Variants in TRIP12 observed in about 807,000 individuals in gnomAD.
TRIP12 encodes the protein thyroid hormone receptor interactor 12, also known as E3 ubiquitin-protein ligase TRIP12.
TRIP12 carries 25 observed loss-of-function variants against 244.2 expected under a neutral mutation model. The ratio of observed to expected loss-of-function variants is 0.10; its 90% confidence interval spans 0.07 to 0.14. The LOEUF (loss-of-function observed/expected upper bound fraction) is 0.14, where lower values mean the gene tolerates loss of function less well. Ranked by LOEUF, TRIP12 falls within the 10% of genes least tolerant of loss-of-function variation. The pLI is 1.00. For synonymous variants in TRIP12, 905 were observed against 873.1 expected, an observed-to-expected ratio of 1.04 and a Z score of -0.64; for missense variants, 1,677 against 2,486.4, an observed-to-expected ratio of 0.67 and a Z score of 6.92.
chr2:229,791,301 A>G, intron 29 of TRIP12, 50 bp from the exon 30 acceptor site: 1 of 1,604,596 alleles, frequency 6.2e-7, no homozygotes. Flanking sequence ...TGAAACTGAT[A>G]CAAAGCCAAA....
rs997592495 is a variant in TRIP12, at chr2:229,763,920, T to G, written c.*3634A>C. On this transcript the variant is annotated 3_prime_UTR_variant, in exon 42 of 42. Coordinates refer to ENST00000675903, the MANE Select transcript of TRIP12 (RefSeq NM_001348323.3). ...CAATTTTACATACACATCTGTAGTTTGAGGTTCCATTATTCCAACAGTTCA... is the reference window on the plus strand; with the variant it reads ...CAATTTTACATACACATCTGTAGTTGGAGGTTCCATTATTCCAACAGTTCA... 1.3e-5 allele frequency: 2 copies of G among 152,228 alleles called. No individual in the cohort carries two copies. The highest frequency in any genetic ancestry group is 1.5e-5 in the Non-Finnish European group (1 of 68,038). The allele number at this position is 152,228 out of a possible 1,614,324, so 9.4% of individuals were successfully genotyped here. A position where few individuals can be genotyped will look rare whatever the true frequency, so the allele number is the denominator to read the frequency against.
At chr2:229,862,723 C>T (rs2060671841) in intron 2 of TRIP12, among the ~76,000 whole-genome samples, 1 of 152,068 alleles carries the variant, frequency 6.6e-6, no homozygotes, top group Non-Finnish European at 1.5e-5. Flanking sequence ...GGGCAGCAGC[C>T]CTCCTCTTTT....
chr2:229,914,898 A>G (rs999190205), intron 1 of TRIP12, among the ~76,000 whole-genome samples: 3 of 152,238 alleles, frequency 2.0e-5, no homozygotes, highest in African/African-American at 7.2e-5. Flanking sequence ...AGAAACAAAC[A>G]GAATAAACTA....
intron 34 of TRIP12, among the ~76,000 whole-genome samples, chr2:229,781,777 T>A (rs1204790901): frequency 6.6e-6 from 1 of 152,226 alleles, no homozygotes; most frequent in Admixed American, 6.5e-5. Flanking sequence ...CATGTACAGC[T>A]GAATTTGAAT....
At chr2:229,891,379 C>T (rs1313442884) in intron 1 of TRIP12, among the ~76,000 whole-genome samples, 1 of 151,726 alleles carries the variant, frequency 6.6e-6, no homozygotes, top group Non-Finnish European at 1.5e-5. Flanking sequence ...AAGCTGAGAT[C>T]ATGCCACTGT....
At chr2:229,910,121 T>G (rs1275912066) in intron 1 of TRIP12, among the ~76,000 whole-genome samples, 5 of 152,226 alleles carry the variant, frequency 3.3e-5, no homozygotes, top group African/African-American at 1.2e-4. Flanking sequence ...GTTGTTTTAC[T>G]AAGTCCTTGA....
chr2:229,785,429 T>A lies in TRIP12; in HGVS notation c.5094+328A>T, dbSNP rs116205907. ...ACTACAAAACTACATTTTTGAAGTA[T>A]GCAGTTATTATTTATATCTCAGTAA... On this transcript the variant is annotated intron_variant, in intron 34 of 41. Coordinates refer to ENST00000675903, the MANE Select transcript of TRIP12 (RefSeq NM_001348323.3). 5.6e-3 allele frequency among the ~76,000 whole-genome samples: 847 copies of A among 152,334 alleles called. 9 individuals are homozygous for A. The highest frequency in any genetic ancestry group is 0.019 in the African/African-American group (782 of 41,570).
chr2:229,826,001 A>C (rs1288013996), intron 8 of TRIP12, among the ~76,000 whole-genome samples: 3 of 152,186 alleles, frequency 2.0e-5, no homozygotes, highest in African/African-American at 7.2e-5. Context: ...AAAAAGCAAA[A>C]CAAAAATATA....
intron 8 of TRIP12, among the ~76,000 whole-genome samples, chr2:229,828,407 A>C (rs1275742028): frequency 6.6e-6 from 1 of 151,900 alleles, no homozygotes; most frequent in Non-Finnish European, 1.5e-5. Flanking sequence ...TCTCTTAAAA[A>C]CAAACAAACA....
At chr2:229,916,626 T>C (rs984697317) in intron 1 of TRIP12, among the ~76,000 whole-genome samples, 3 of 152,182 alleles carry the variant, frequency 2.0e-5, no homozygotes, top group Admixed American at 6.5e-5. Context: ...ACAAAGCAGG[T>C]AAGCCTGAAT....
chr2:229,861,560 C>G (rs752250157), intron 2 of TRIP12, among the ~76,000 whole-genome samples: 1 of 152,118 alleles, frequency 6.6e-6, no homozygotes, highest in Non-Finnish European at 1.5e-5. Context: ...ATTCCAAACA[C>G]CATCTCAAAA....
chr2:229,836,401 A>G (rs2054829318), intron 6 of TRIP12, among the ~76,000 whole-genome samples: 2 of 152,198 alleles, frequency 1.3e-5, no homozygotes, highest in Admixed American at 1.3e-4. Flanking sequence ...CTTCTAATAT[A>G]TCAAGAATAA....
intron 6 of TRIP12, among the ~76,000 whole-genome samples, chr2:229,834,107 T>C (rs113042810): frequency 7.0e-4 from 107 of 152,366 alleles, no homozygotes; most frequent in Admixed American, 1.2e-3. Context: ...TCAACAGATA[T>C]TTCCCGTTTA....
intron 2 of TRIP12, among the ~76,000 whole-genome samples, chr2:229,867,721 G>A (rs1576356136): frequency 6.6e-6 from 1 of 152,258 alleles, no homozygotes; most frequent in East Asian, 1.9e-4. Flanking sequence ...AGTATCAGAA[G>A]AATGAAAGCA....
intron 9 of TRIP12, among the ~76,000 whole-genome samples, chr2:229,817,294 T>C (rs938773294): frequency 6.6e-6 from 1 of 152,212 alleles, no homozygotes; most frequent in African/African-American, 2.4e-5. Context: ...AAATAAAACA[T>C]ACCACAAATG....
intron 2 of TRIP12, among the ~76,000 whole-genome samples, chr2:229,876,872 T>C (rs1243147794): frequency 6.6e-6 from 1 of 152,078 alleles, no homozygotes; most frequent in African/African-American, 2.4e-5. Context: ...ATGTGTCTTG[T>C]GATGACACAT....
chr2:229,854,096 G>A (rs1458318186), intron 4 of TRIP12, among the ~76,000 whole-genome samples: 1 of 152,082 alleles, frequency 6.6e-6, no homozygotes, highest in Non-Finnish European at 1.5e-5. Flanking sequence ...TTTGTTATAT[G>A]GATATATTGC....
intron 17 of TRIP12, chr2:229,806,098 CCT>C: frequency 2.5e-6 from 1 of 392,864 alleles, no homozygotes; most frequent in Admixed American, 3.8e-5. Flanking sequence ...ATGCCTCAAG[CCT>C]TATCAGGGAC....
intron 1 of TRIP12, among the ~76,000 whole-genome samples, chr2:229,911,366 T>C (rs1221499055): frequency 6.6e-6 from 1 of 152,232 alleles, no homozygotes; most frequent in Non-Finnish European, 1.5e-5. Context: ...ATCATAGCTA[T>C]CAGAACACTG....
Sources: gnomAD v4.1 joint callset for allele counts (sites outside exome capture counted in the v4.1 genomes callset) on GRCh38, gnomAD v4.1.1 for gene constraint, MANE v1.5 for transcripts, NCBI Gene and HGNC (gene_info 2026-07-23, HGNC 2026-07-21) for gene names.